Variants in CNTN4 observed in about 807,000 individuals in gnomAD.
CNTN4 encodes contactin 4.
A neutral mutation model predicts 122.5 loss-of-function variants in CNTN4; 77 were observed. The ratio of observed to expected loss-of-function variants is 0.63; its 90% CI spans 0.52 to 0.76. The LOEUF is 0.76. Ranked by LOEUF, CNTN4 falls within the 30% of genes least tolerant of loss-of-function variation. The pLI, the probability that CNTN4 is intolerant of heterozygous loss-of-function variation, is 0.00. For missense variants in CNTN4, 1,256 were observed against 1,259.1 expected (o/e 1.00, Z 0.04); for synonymous variants, 512 against 447.0 (o/e 1.15, Z -1.83).
intron 2 of CNTN4, among the ~76,000 whole-genome samples, chr3:2,335,528 C>G (rs368852557): frequency 2.1e-4 from 31 of 151,152 alleles, no homozygotes; most frequent in African/African-American, 7.3e-4. Context: ...GCAATAGATT[C>G]AGTTTCTTTC....
chr3:2,215,756 G>A (rs770875104), intron 2 of CNTN4, among the ~76,000 whole-genome samples: 10 of 151,686 alleles, frequency 6.6e-5, no homozygotes, highest in South Asian at 2.1e-4. Flanking sequence ...GGTGGCATGC[G>A]CCTGTAGTCC....
rs140755953 is a variant in CNTN4, at chr3:3,043,042, G to A, written c.2577G>A (p.Gln859=). 1.3e-4 allele frequency: 205 copies of A among 1,614,034 alleles called. No individual in the cohort carries two copies. Among genetic ancestry groups the A allele is most frequent in the Non-Finnish European group, 1.6e-4 (186 of 1,180,004 alleles). The change falls in exon 22 of 25, where the codon CAG becomes CAA. Residue 859 remains glutamine, a synonymous_variant. Transcript: ENST00000418658. ...NARKIRTVGN[Q]TSTKITNLKG... Reference sequence around the variant, plus strand: ...GAAAAATACGAACAGTTGGAAATCAGACATCAACAAAAATCACGAACTTAA... The same window carrying A: ...GAAAAATACGAACAGTTGGAAATCAAACATCAACAAAAATCACGAACTTAA...
At chr3:2,403,614 T>C (rs1003194883) in intron 3 of CNTN4, among the ~76,000 whole-genome samples, 6 of 152,198 alleles carry the variant, frequency 3.9e-5, no homozygotes, top group African/African-American at 1.4e-4. Context: ...GCTAATCTGA[T>C]TGTCAGCTGT....
At chr3:2,702,868 C>A (rs866214060) in intron 4 of CNTN4, among the ~76,000 whole-genome samples, 1 of 152,152 alleles carries the variant, frequency 6.6e-6, no homozygotes, top group Non-Finnish European at 1.5e-5. Context: ...GTAGTTTGTT[C>A]CGTATACAGC....
intron 6 of CNTN4, among the ~76,000 whole-genome samples, chr3:2,792,469 T>C (rs1057238849): frequency 6.6e-6 from 1 of 152,236 alleles, no homozygotes; most frequent in African/African-American, 2.4e-5. Context: ...TTTTAAAGTA[T>C]CTAAAACTGA....
rs554158078 is a variant in CNTN4, at chr3:2,195,540, A to T, written c.-145+94901A>T. Among the ~76,000 whole-genome samples, 35 of 152,310 alleles carry T rather than the reference A, an allele frequency of 2.3e-4. 1 individual carries two copies. In the South Asian group the frequency reaches 6.0e-3, roughly 26 times the overall value. ...ATATTTGGAAATAACTGCTATTCTG[A>T]TGCAATATAGAATTTTGTAGCCTAA... On this transcript the variant is annotated intron_variant, in intron 2 of 24. Coordinates refer to ENST00000418658, the MANE Select transcript of CNTN4 (RefSeq NM_175607.3).
Position 2,839,443 on chromosome 3 carries a change from A to G in CNTN4, c.454+19862A>G, listed in dbSNP as rs1445902888. ...AAAAAAAAAGACAGTGGGAATCACAACAGAAAGAGGTCGGATGCTGTTGGT... is the reference window on the plus strand; with the variant it reads ...AAAAAAAAAGACAGTGGGAATCACAGCAGAAAGAGGTCGGATGCTGTTGGT... On this transcript the variant is annotated intron_variant, in intron 7 of 24. Transcript: ENST00000418658. Among the ~76,000 whole-genome samples the G allele has an allele frequency of 2.0e-5, 3 of 152,020 alleles. No homozygotes were observed. In the South Asian group the frequency reaches 6.2e-4, roughly 32 times the overall value.
At chr3:2,229,097 A>G (rs1215198844) in intron 2 of CNTN4, among the ~76,000 whole-genome samples, 1 of 152,150 alleles carries the variant, frequency 6.6e-6, no homozygotes, top group Non-Finnish European at 1.5e-5. Flanking sequence ...ATTCCTTGCC[A>G]TTCATTCATT....
rs373237624 is a variant in CNTN4, at chr3:2,550,737, T to C, written c.-88-20679T>C. On this transcript the variant is annotated intron_variant, in intron 3 of 24. Coordinates refer to ENST00000418658, the MANE Select transcript of CNTN4 (RefSeq NM_175607.3). ...ATTGATAGACTGGATAAAGAAAATGTGGCACATATATACCATGGAATACTA... is the reference window on the plus strand; with the variant it reads ...ATTGATAGACTGGATAAAGAAAATGCGGCACATATATACCATGGAATACTA... 2.3e-4 allele frequency among the ~76,000 whole-genome samples: 35 copies of C among 152,254 alleles called. 1 individual carries two copies. The East Asian group carries it at 6.6e-3, about 29-fold the overall frequency.
intron 4 of CNTN4, among the ~76,000 whole-genome samples, chr3:2,644,559 T>G (rs1002010871): frequency 1.3e-5 from 2 of 151,678 alleles, no homozygotes; most frequent in African/African-American, 4.8e-5. Flanking sequence ...GTATACTTTA[T>G]CCTTCCTTTT....
intron 6 of CNTN4, among the ~76,000 whole-genome samples, chr3:2,764,706 T>A (rs1312501126): frequency 6.6e-6 from 1 of 152,216 alleles, no homozygotes; most frequent in African/African-American, 2.4e-5. Context: ...TCTGTAAGTC[T>A]AATCATCAGT....
chr3:2,869,999 G>A (rs561786123), intron 8 of CNTN4, among the ~76,000 whole-genome samples: 3 of 152,268 alleles, frequency 2.0e-5, no homozygotes, highest in Admixed American at 2.0e-4. Flanking sequence ...ACTTAGGCCA[G>A]AATATCTGTT....
At chr3:2,646,016 G>C (rs2083101600) in intron 4 of CNTN4, among the ~76,000 whole-genome samples, 1 of 152,176 alleles carries the variant, frequency 6.6e-6, no homozygotes, top group South Asian at 2.1e-4. Flanking sequence ...TTTGGATTCA[G>C]ATACACCAGA....
chr3:2,503,123 A>G (rs1327322957), intron 3 of CNTN4, among the ~76,000 whole-genome samples: 6 of 152,192 alleles, frequency 3.9e-5, no homozygotes, highest in Admixed American at 3.3e-4. Flanking sequence ...GTTACAATGC[A>G]TTGTGCCCAA....
At chr3:2,764,933 G>A (rs1013018696) in intron 6 of CNTN4, among the ~76,000 whole-genome samples, 1 of 152,098 alleles carries the variant, frequency 6.6e-6, no homozygotes, top group African/African-American at 2.4e-5. Context: ...GAAGTTGAAG[G>A]GCTAGGGTAT....
intron 3 of CNTN4, among the ~76,000 whole-genome samples, chr3:2,493,310 T>C (rs1264334032): frequency 1.3e-5 from 2 of 152,024 alleles, no homozygotes; most frequent in African/African-American, 4.8e-5. Flanking sequence ...TAGATTATAC[T>C]GGACATTGGA....
chr3:2,101,346 A>G (rs896648490), intron 2 of CNTN4, among the ~76,000 whole-genome samples: 3 of 152,194 alleles, frequency 2.0e-5, no homozygotes, highest in South Asian at 4.1e-4. Flanking sequence ...ATTCCCATGC[A>G]TGGTACTGAC....
chr3:2,638,502 T>G (rs1017747981), intron 4 of CNTN4, among the ~76,000 whole-genome samples: 18 of 152,204 alleles, frequency 1.2e-4, no homozygotes, highest in African/African-American at 3.9e-4. Flanking sequence ...CTTTTTTTTT[T>G]TACTTTCTGA....
At chr3:2,157,106 A>G (rs1036316228) in intron 2 of CNTN4, among the ~76,000 whole-genome samples, 2 of 152,228 alleles carry the variant, frequency 1.3e-5, no homozygotes, top group African/African-American at 4.8e-5. Context: ...TCACTAAAAG[A>G]GAAGTTCTGG....
Sources: gnomAD v4.1 joint callset for allele counts (sites outside exome capture counted in the v4.1 genomes callset) on GRCh38, gnomAD v4.1.1 for gene constraint, MANE v1.5 for transcripts, NCBI Gene and HGNC (gene_info 2026-07-23, HGNC 2026-07-21) for gene names.